The following RHOU variants were observed in gnomAD, a reference collection of about 807,000 sequenced individuals.
The protein encoded by RHOU is ras homolog family member U, also known as rho-related GTP-binding protein RhoU.
RHOU carries 8 observed loss-of-function variants against 12.6 expected under a neutral mutation model. The observed-to-expected ratio is 0.64, with a 90% CI of 0.37 to 1.15. The LOEUF is 1.15. Ranked by LOEUF, RHOU falls within the 50% of genes most tolerant of loss-of-function variation. The pLI is 0.01. For missense variants in RHOU, 258 were observed against 347.0 expected, an observed-to-expected ratio of 0.74 and a Z score of 2.04; for synonymous variants, 161 against 147.4, an observed-to-expected ratio of 1.09 and a Z score of -0.67.
At chr1:228,695,208 G>A in the RHOU span, among the ~76,000 whole-genome samples, 3 of 152,128 alleles carry the variant, frequency 2.0e-5, no homozygotes, top group East Asian at 1.9e-4. Context: ...GAGCTCAAGC[G>A]ATCCACCCAC....
chr1:228,650,615 G>C, the RHOU span: 1 of 446,442 alleles, frequency 2.2e-6, no homozygotes, highest in East Asian at 6.6e-5. Flanking sequence ...TTCCTCAAAG[G>C]GGGATATGAG....
At chr1:228,707,179 CAA>C in the RHOU span, among the ~76,000 whole-genome samples, 2 of 70,130 alleles carry the variant, frequency 2.9e-5, no homozygotes, top group Admixed American at 1.9e-4. Flanking sequence ...CATATATTAA[CAA>C]AATATATATA....
the RHOU span, among the ~76,000 whole-genome samples, chr1:228,702,797 A>G: frequency 6.6e-6 from 1 of 152,212 alleles, no homozygotes; most frequent in Non-Finnish European, 1.5e-5. Flanking sequence ...ACATACACAT[A>G]TAGACATATA....
chr1:228,671,712 C>CAAAAAAAAA, the RHOU span, among the ~76,000 whole-genome samples: 3 of 65,260 alleles, frequency 4.6e-5, no homozygotes, highest in South Asian at 8.2e-4. Flanking sequence ...GACTCCATCT[C>CAAAAAAAAA]AAAAAAAAAA....
chr1:228,728,928 C>T, the RHOU span, among the ~76,000 whole-genome samples: 1 of 150,528 alleles, frequency 6.6e-6, no homozygotes, highest in Non-Finnish European at 1.5e-5. Context: ...CAGAGTCTCG[C>T]TCTGTCGCCC....
At chr1:228,663,639 T>C in the RHOU span, among the ~76,000 whole-genome samples, 2 of 136,816 alleles carry the variant, frequency 1.5e-5, no homozygotes, top group African/African-American at 5.4e-5. Context: ...TTTTTTTTTT[T>C]TTTTTTTTTT....
Position 228,746,011 on chromosome 1 carries a change from T to G in RHOU, c.*2271T>G, listed in dbSNP as rs776521410. The G allele has an allele frequency of 2.0e-5, 3 of 152,256 alleles. No homozygotes were observed. Among genetic ancestry groups the G allele is most frequent in the African/African-American group, 7.2e-5 (3 of 41,466 alleles). 9.4% of individuals were successfully genotyped at this position (152,256 alleles called of 1,614,324 possible). ...GAAAGTGCTCAGTGAAGTACACCTG[T>G]GTGGCCCAGTTCTGAAAGCTTTATA... On this transcript the variant is annotated 3_prime_UTR_variant, in exon 3 of 3. Transcript: ENST00000366691.
At chr1:228,723,720 C>T in the RHOU span, among the ~76,000 whole-genome samples, 1 of 152,226 alleles carries the variant, frequency 6.6e-6, no homozygotes. Context: ...TCCTTTCTGC[C>T]TGAAATAATT....
chr1:228,711,602 C>A, the RHOU span, among the ~76,000 whole-genome samples: 1 of 152,158 alleles, frequency 6.6e-6, no homozygotes, highest in Non-Finnish European at 1.5e-5. Flanking sequence ...AACTGGCTAG[C>A]CATATGTAGA....
the RHOU span, among the ~76,000 whole-genome samples, chr1:228,675,652 G>T: frequency 6.6e-6 from 1 of 152,164 alleles, no homozygotes; most frequent in East Asian, 1.9e-4. Flanking sequence ...TTTTTAAAAG[G>T]CTATTATAAC....
the RHOU span, among the ~76,000 whole-genome samples, chr1:228,715,290 C>T: frequency 6.6e-6 from 1 of 151,958 alleles, no homozygotes; most frequent in Non-Finnish European, 1.5e-5. Context: ...TCAAATATCT[C>T]ATATATTCTG....
the RHOU span, among the ~76,000 whole-genome samples, chr1:228,689,110 C>T: frequency 1.4e-3 from 210 of 152,334 alleles, no homozygotes; most frequent in African/African-American, 4.9e-3. Flanking sequence ...CCGTCTCCCT[C>T]ATCCCTGAAT....
chr1:228,652,629 AT>A, the RHOU span: 1 of 152,162 alleles, frequency 6.6e-6, no homozygotes, highest in East Asian at 1.9e-4. Context: ...AAAATTTTAT[AT>A]TTCTCTTTTA....
chr1:228,692,322 A>G, the RHOU span, among the ~76,000 whole-genome samples: 5 of 152,214 alleles, frequency 3.3e-5, no homozygotes, highest in African/African-American at 1.2e-4. Flanking sequence ...CAGATTAAAC[A>G]TTTTAAAACT....
At chr1:228,733,586 C>T (rs546082853), upstream of RHOU, among the ~76,000 whole-genome samples, 41 of 152,316 alleles carry the variant, frequency 2.7e-4, no homozygotes, top group Non-Finnish European at 3.4e-4. Flanking sequence ...GGATTACAGG[C>T]GTGAGCCACC....
At chr1:228,711,271 C>A in the RHOU span, among the ~76,000 whole-genome samples, 16 of 151,986 alleles carry the variant, frequency 1.1e-4, no homozygotes, top group Admixed American at 1.0e-3. Context: ...CCCCATCAAG[C>A]TACCAATGAC....
chr1:228,712,169 G>A, the RHOU span, among the ~76,000 whole-genome samples: 3 of 152,062 alleles, frequency 2.0e-5, no homozygotes, highest in African/African-American at 7.2e-5. Flanking sequence ...AACAGGTGCT[G>A]GAGAGGATAT....
chr1:228,657,205 A>G, the RHOU span, among the ~76,000 whole-genome samples: 1 of 127,850 alleles, frequency 7.8e-6, no homozygotes, highest in East Asian at 2.8e-4. Context: ...TCAACCCAGG[A>G]GGTGGAGGTT....
chr1:228,659,543 A>T, the RHOU span, among the ~76,000 whole-genome samples: 2 of 152,078 alleles, frequency 1.3e-5, no homozygotes, highest in Non-Finnish European at 2.9e-5. Context: ...TTAAAAAAAA[A>T]GGAGAAAATC....
Sources: allele counts gnomAD v4.1 joint callset (sites outside exome capture counted in the v4.1 genomes callset), GRCh38; gene constraint gnomAD v4.1.1; transcripts MANE v1.5; gene names NCBI Gene and HGNC (gene_info 2026-07-23, HGNC 2026-07-21).